Variants in TUNAR observed in about 807,000 individuals in gnomAD.
TUNAR encodes the protein protein TUNAR.
intron 2 of TUNAR, among the ~76,000 whole-genome samples, chr14:95,919,767 AAAG>A (rs1889661379): frequency 1.3e-5 from 2 of 152,134 alleles, no homozygotes; most frequent in Admixed American, 1.3e-4. Flanking sequence ...TGCACCCAAA[AAAG>A]AAGATAGATG....
chr14:95,913,142 C>CTT (rs58500125), intron 2 of TUNAR, among the ~76,000 whole-genome samples: 3 of 136,460 alleles, frequency 2.2e-5, no homozygotes, highest in Admixed American at 7.3e-5. Context: ...ATTTTCTTTC[C>CTT]TTTTTTTTTT....
chr14:95,915,994 C>T (rs888906473), intron 2 of TUNAR, among the ~76,000 whole-genome samples: 8 of 151,990 alleles, frequency 5.3e-5, no homozygotes, highest in Admixed American at 1.3e-4. Flanking sequence ...TCTTTAAAAC[C>T]CTGTGTTTTT....
At chr14:95,893,128 C>T (rs1889208310) in intron 2 of TUNAR, among the ~76,000 whole-genome samples, 1 of 152,080 alleles carries the variant, frequency 6.6e-6, no homozygotes, top group Non-Finnish European at 1.5e-5. Flanking sequence ...AGAGAGGGAA[C>T]ACGGACTCTC....
intron 2 of TUNAR, among the ~76,000 whole-genome samples, chr14:95,882,246 G>A (rs1165397987): frequency 6.7e-6 from 1 of 149,964 alleles, no homozygotes; most frequent in Non-Finnish European, 1.5e-5. Flanking sequence ...CAGGGCTTCA[G>A]CTCTGGGCTA....
chr14:95,921,504 G>GTCTA (rs1433733045), intron 2 of TUNAR, among the ~76,000 whole-genome samples: 1 of 152,198 alleles, frequency 6.6e-6, no homozygotes, highest in East Asian at 1.9e-4. Flanking sequence ...GGATGGCCAT[G>GTCTA]TTTTCTGTCT....
At chr14:95,885,415 C>A (rs888304198) in intron 2 of TUNAR, among the ~76,000 whole-genome samples, 1 of 152,124 alleles carries the variant, frequency 6.6e-6, no homozygotes, top group African/African-American at 2.4e-5. Context: ...GAGTGACTGA[C>A]GTGCTCTGAG....
chr14:95,925,120 C>G (rs905228466), exon 3 of TUNAR: 1 of 152,182 alleles, frequency 6.6e-6, no homozygotes, highest in African/African-American at 2.4e-5. Context: ...GCTTTGGATA[C>G]TTGGAGTCAT....
intron 2 of TUNAR, among the ~76,000 whole-genome samples, chr14:95,886,700 C>T (rs1889082916): frequency 6.6e-6 from 1 of 152,168 alleles, no homozygotes. Flanking sequence ...CAAATTGAGG[C>T]CAAGAGAAGA....
In TUNAR at chr14:95,895,493, C is replaced by A. The variant is rs1889248043; in HGVS notation, c.12+18316C>A. ...GGGAGCGGAGAGTTGTCAAATGAGG[C>A]AAGCCAAAACCCAGGCAGTGGGATG... On this transcript the variant is annotated intron_variant, in intron 2 of 2. Coordinates refer to ENST00000678517, the Ensembl canonical transcript of TUNAR. This position sits in a 1 kb window ranked among gnomAD's most constrained non-coding sequence, Gnocchi z 4.5. Among the ~76,000 whole-genome samples the A allele has an allele frequency of 6.6e-6, 1 of 152,114 alleles. No individual in the cohort carries two copies. The highest frequency in any genetic ancestry group is 6.5e-5 in the Admixed American group (1 of 15,274).
intron 2 of TUNAR, among the ~76,000 whole-genome samples, chr14:95,915,263 G>GT (rs966804838): frequency 1.7e-4 from 26 of 152,286 alleles, no homozygotes; most frequent in African/African-American, 5.3e-4. Context: ...CAAAAACACT[G>GT]TTTTTTGCAG....
intron 2 of TUNAR, among the ~76,000 whole-genome samples, chr14:95,898,072 TGG>T (rs1008192101): frequency 6.6e-6 from 1 of 152,172 alleles, no homozygotes; most frequent in African/African-American, 2.4e-5. Flanking sequence ...ATTGCTTTCC[TGG>T]GTTGGAGGCT....
Position 95,920,691 on chromosome 14 carries a change from C to G in TUNAR, c.13-2090C>G, listed in dbSNP as rs559494113. On this transcript the variant is annotated intron_variant, in intron 2 of 2. Transcript: ENST00000678517. Reference sequence around the variant, plus strand: ...AGCCGCTCTGTAAGGTGCGAGCGACCCAGCCCTTTCAGGGGCTCATGTGCA... The same window carrying G: ...AGCCGCTCTGTAAGGTGCGAGCGACGCAGCCCTTTCAGGGGCTCATGTGCA... Among the ~76,000 whole-genome samples, 10 of 152,224 alleles carry G rather than the reference C, an allele frequency of 6.6e-5. No homozygotes were observed. The South Asian group carries it at 2.1e-3, about 32-fold the overall frequency.
chr14:95,900,757 G>A (rs573224062), intron 2 of TUNAR, among the ~76,000 whole-genome samples: 37 of 152,314 alleles, frequency 2.4e-4, no homozygotes, highest in Middle Eastern at 3.4e-3. Flanking sequence ...AGAGCAAGTG[G>A]TGCCGGGTTT....
intron 2 of TUNAR, among the ~76,000 whole-genome samples, chr14:95,892,568 A>T (rs572825993): frequency 6.6e-6 from 1 of 152,314 alleles, no homozygotes; most frequent in Non-Finnish European, 1.5e-5. Context: ...CATGGAGCTT[A>T]GACATTCGAG....
At chr14:95,925,025 T>TTTATGATATCTTCTC (rs1370018144) in exon 3 of TUNAR, 2 of 152,216 alleles carry the variant, frequency 1.3e-5, no homozygotes, top group African/African-American at 2.4e-5. Flanking sequence ...CTGGCATTGA[T>TTTATGATATCTTCTC]TTATGATATC....
chr14:95,922,317 G>A (rs1889710589), intron 2 of TUNAR, among the ~76,000 whole-genome samples: 1 of 152,160 alleles, frequency 6.6e-6, no homozygotes, highest in African/African-American at 2.4e-5. Flanking sequence ...CCATACCGCA[G>A]TCAGAGCTTT....
At chr14:95,893,537 G>C (rs895298856) in intron 2 of TUNAR, among the ~76,000 whole-genome samples, 2 of 152,144 alleles carry the variant, frequency 1.3e-5, no homozygotes, top group African/African-American at 2.4e-5. Context: ...TGCTCCCTGA[G>C]AGCAGGAGCT....
chr14:95,907,470 A>G (rs1889444730), intron 2 of TUNAR, among the ~76,000 whole-genome samples: 4 of 151,948 alleles, frequency 2.6e-5, no homozygotes, highest in Admixed American at 2.0e-4. Context: ...GGGTATTGCT[A>G]CTCTTCTTAT....
intron 2 of TUNAR, among the ~76,000 whole-genome samples, chr14:95,892,456 G>T (rs1319911259): frequency 2.6e-5 from 4 of 152,284 alleles, no homozygotes; most frequent in African/African-American, 9.6e-5. Flanking sequence ...CCGGCTGGAT[G>T]TGTCGCCTTC....
Sources: gnomAD v4.1 joint callset for allele counts (sites outside exome capture counted in the v4.1 genomes callset) on GRCh38, gnomAD v4.1.1 for gene constraint, Gnocchi (gnomAD v3.1) non-coding constraint, MANE v1.5 for transcripts, NCBI Gene and HGNC (gene_info 2026-07-23, HGNC 2026-07-21) for gene names.